Variants in SEC24A observed in about 807,000 individuals in gnomAD.
SEC24A encodes the protein protein transport protein Sec24A.
Under a neutral mutation model 129.4 loss-of-function variants are expected in SEC24A, and 93 were observed. That is an observed-to-expected ratio of 0.72 (90% CI 0.61 to 0.85). SEC24A has a LOEUF of 0.85. Among genes scored for constraint, SEC24A ranks in the 40% least tolerant of loss-of-function variants. The pLI is 0.00. For synonymous variants in SEC24A, 460 were observed against 467.3 expected, an observed-to-expected ratio of 0.98 and a Z score of 0.20; for missense variants, 1,264 against 1,307.4, an observed-to-expected ratio of 0.97 and a Z score of 0.51.
intron 15 of SEC24A, among the ~76,000 whole-genome samples, chr5:134,700,070 T>G (rs1447822375): frequency 6.6e-6 from 1 of 151,948 alleles, no homozygotes; most frequent in Non-Finnish European, 1.5e-5. Context: ...TAAGGTGGGT[T>G]TTTTTTTCCA....
chr5:134,656,367 C>T (rs954018453), intron 1 of SEC24A, among the ~76,000 whole-genome samples: 6 of 151,002 alleles, frequency 4.0e-5, no homozygotes, highest in African/African-American at 7.3e-5. Flanking sequence ...CCTGAGCCAC[C>T]GCGCCCAGCG....
intron 14 of SEC24A, 33 bp downstream of exon 14, chr5:134,697,279 TA>T (rs1381402049): frequency 1.3e-6 from 2 of 1,543,112 alleles, no homozygotes; most frequent in Non-Finnish European, 1.8e-6. Context: ...TTTTTTCCGT[TA>T]AATGAATATC....
At chr5:134,708,681 T>C in intron 17 of SEC24A, 32 bp from the exon 18 acceptor site, 2 of 1,581,440 alleles carry the variant, frequency 1.3e-6, no homozygotes, top group East Asian at 4.5e-5. Flanking sequence ...TCTATCATAT[T>C]TCTTTTTTGT....
At chr5:134,715,971 T>C (rs1752466194) in intron 19 of SEC24A, among the ~76,000 whole-genome samples, 1 of 151,598 alleles carries the variant, frequency 6.6e-6, no homozygotes, top group African/African-American at 2.4e-5. Flanking sequence ...GATCTGAGAG[T>C]GAAATTACAT....
chr5:134,673,677 T>C (rs1357365777), intron 4 of SEC24A, among the ~76,000 whole-genome samples: 2 of 150,926 alleles, frequency 1.3e-5, no homozygotes, highest in African/African-American at 4.9e-5. Context: ...CAGGCTGGTC[T>C]CCAACTCCTG....
chr5:134,691,612 C>T lies in SEC24A; in HGVS notation c.1724-990C>T, dbSNP rs182952735. 3.8e-3 allele frequency among the ~76,000 whole-genome samples: 557 copies of T among 147,760 alleles called. 3 individuals are homozygous for T. Among genetic ancestry groups the T allele is most frequent in the African/African-American group, 0.013 (533 of 40,064 alleles). On this transcript the variant is annotated intron_variant, in intron 11 of 22. Transcript: ENST00000398844. The stretch of plus-strand genomic sequence containing the variant: ...CCGCCTCCCGGGTTCAAGTGATTCT[C>T]CTGCCTCAGCCTCCCGAGTAGCTGG...
intron 16 of SEC24A, 72 bp downstream of exon 16, chr5:134,704,004 A>G (rs1752080523): frequency 6.3e-6 from 6 of 955,432 alleles, no homozygotes; most frequent in East Asian, 4.9e-5. Context: ...AAAATGGGCT[A>G]TAAAATACAT....
intron 7 of SEC24A, among the ~76,000 whole-genome samples, 189 bp downstream of exon 7, chr5:134,676,314 A>G (rs1324649976): frequency 1.3e-5 from 2 of 149,678 alleles, no homozygotes; most frequent in Non-Finnish European, 3.0e-5. Context: ...TAATTTTTGT[A>G]TTTTTAGTAG....
chr5:134,666,143 TTAA>T (rs1406150568), intron 2 of SEC24A, among the ~76,000 whole-genome samples: 3 of 152,020 alleles, frequency 2.0e-5, no homozygotes, highest in African/African-American at 7.2e-5. Flanking sequence ...ATTTAAATTA[TTAA>T]TAATAAAAAC....
intron 18 of SEC24A, among the ~76,000 whole-genome samples, chr5:134,711,309 T>C (rs1469734451): frequency 6.6e-6 from 1 of 152,012 alleles, no homozygotes; most frequent in African/African-American, 2.4e-5. Flanking sequence ...CTAAAAAATT[T>C]AATTTTTTTA....
chr5:134,702,857 C>T (rs753637876), intron 15 of SEC24A, among the ~76,000 whole-genome samples: 1 of 151,914 alleles, frequency 6.6e-6, no homozygotes, highest in Non-Finnish European at 1.5e-5. Flanking sequence ...CTCTGCCTCT[C>T]AGGTTCAAGC....
chr5:134,718,859 A>G (rs534339489), intron 20 of SEC24A, among the ~76,000 whole-genome samples: 1 of 151,602 alleles, frequency 6.6e-6, no homozygotes, highest in East Asian at 2.0e-4. Flanking sequence ...AATCCTAACT[A>G]CTTGGGAAGC....
chr5:134,684,513 C>T (rs992428547), intron 9 of SEC24A, among the ~76,000 whole-genome samples: 1 of 151,608 alleles, frequency 6.6e-6, no homozygotes, highest in Non-Finnish European at 1.5e-5. Context: ...AGGAGTTCGA[C>T]ACCAGCCTTA....
At chr5:134,690,926 C>T (rs563561503) in intron 11 of SEC24A, among the ~76,000 whole-genome samples, 1 of 152,062 alleles carries the variant, frequency 6.6e-6, no homozygotes, top group Non-Finnish European at 1.5e-5. Flanking sequence ...CACTGGCTCA[C>T]TGCAGTCTCT....
intron 8 of SEC24A, among the ~76,000 whole-genome samples, chr5:134,680,967 C>T (rs905182848): frequency 3.3e-5 from 5 of 151,554 alleles, no homozygotes; most frequent in South Asian, 2.1e-4. Context: ...GGTGTGGTGG[C>T]GGGCACCTAT....
intron 2 of SEC24A, among the ~76,000 whole-genome samples, chr5:134,662,496 T>C (rs1461457647): frequency 2.6e-5 from 4 of 152,164 alleles, no homozygotes; most frequent in Non-Finnish European, 5.9e-5. Flanking sequence ...GGTTGATACT[T>C]CTCAGCAGAC....
At chr5:134,686,650 G>A in intron 9 of SEC24A, 140 bp from the exon 10 acceptor site, 1 of 502,314 alleles carries the variant, frequency 2.0e-6, no homozygotes, top group South Asian at 3.2e-5. Flanking sequence ...AAACAATATA[G>A]TATAGCTTTG....
intron 1 of SEC24A, among the ~76,000 whole-genome samples, chr5:134,655,903 G>A (rs1178692521): frequency 6.6e-6 from 1 of 151,496 alleles, no homozygotes; most frequent in Non-Finnish European, 1.5e-5. Flanking sequence ...TTCCATTTCT[G>A]ATTGTTTTTT....
intron 18 of SEC24A, among the ~76,000 whole-genome samples, chr5:134,709,240 G>A (rs1184875704): frequency 2.0e-5 from 3 of 151,934 alleles, no homozygotes; most frequent in Non-Finnish European, 4.4e-5. Flanking sequence ...AAACGAACAC[G>A]ATGGAAACAT....
Sources: allele counts gnomAD v4.1 joint callset (sites outside exome capture counted in the v4.1 genomes callset), GRCh38; gene constraint gnomAD v4.1.1; transcripts MANE v1.5; gene names NCBI Gene and HGNC (gene_info 2026-07-23, HGNC 2026-07-21).